Variants in KIF17 observed in about 807,000 individuals in gnomAD.
The protein encoded by KIF17 is kinesin-like protein KIF17.
A neutral mutation model predicts 96.8 loss-of-function variants in KIF17; 80 were observed. The ratio of observed to expected loss-of-function variants is 0.83; its 90% CI spans 0.69 to 1.00. The LOEUF is 1.00. Ranked by LOEUF, KIF17 falls within the 50% of genes least tolerant of loss-of-function variation. KIF17 has a pLI of 0.00. For missense variants in KIF17, 1,280 were observed against 1,372.9 expected, an observed-to-expected ratio of 0.93 and a Z score of 1.07; for synonymous variants, 567 against 587.5, an observed-to-expected ratio of 0.97 and a Z score of 0.51.
chr1:20,692,331 T>C (rs1422391712), intron 6 of KIF17, among the ~76,000 whole-genome samples: 1 of 147,438 alleles, frequency 6.8e-6, no homozygotes, highest in Admixed American at 6.8e-5. Flanking sequence ...CCCTGTCCCT[T>C]CCTCTATTGC....
At chr1:20,698,048 T>A (rs1174282728) in intron 6 of KIF17, among the ~76,000 whole-genome samples, 1 of 152,098 alleles carries the variant, frequency 6.6e-6, no homozygotes, top group Non-Finnish European at 1.5e-5. Flanking sequence ...CTTTTCTGCT[T>A]CCATCAATGC....
Position 20,672,251 on chromosome 1 carries a change from T to C in KIF17, c.2464-55A>G, listed in dbSNP as rs2053661400. The C allele has an allele frequency of 1.9e-6, 3 of 1,603,518 alleles. No homozygotes were observed. The highest frequency in any genetic ancestry group is 1.7e-5 in the Admixed American group (1 of 59,106). ...AGGGAAAGATACCTCCCCTTCCATC[T>C]AACCACCCTGTCCACTCACTGTCCT... On this transcript the variant is annotated intron_variant, in intron 11 of 14. Transcript: ENST00000400463. This position sits in a 1 kb window ranked among gnomAD's most constrained non-coding sequence, Gnocchi z 4.3.
At chr1:20,682,905 G>A in intron 10 of KIF17, 21 bp from the exon 11 acceptor site, 2 of 1,599,826 alleles carry the variant, frequency 1.3e-6, no homozygotes, top group Non-Finnish European at 1.7e-6. Flanking sequence ...GGAGGAGAAA[G>A]CAAACAAGAC....
At chr1:20,671,280 C>T (rs960182172) in intron 12 of KIF17, among the ~76,000 whole-genome samples, 2 of 152,174 alleles carry the variant, frequency 1.3e-5, no homozygotes, top group African/African-American at 4.8e-5. Flanking sequence ...CACTATGTGC[C>T]AGGCACTGCT....
In KIF17 at chr1:20,704,922, G is replaced by A. The variant is rs1427283582; in HGVS notation, c.671-23C>T. ...CATCTGCACACAGACCAGGCAAAGT[G>A]GCGAGGGCCTCGGGTGAGCCCTATG... is the stretch of plus-strand genomic sequence containing the variant. On this transcript the variant is annotated intron_variant, in intron 4 of 14. Transcript: ENST00000400463. This position sits in a 1 kb window ranked among gnomAD's most constrained non-coding sequence, Gnocchi z 6.8. 23 of 1,594,740 alleles carry A rather than the reference G, an allele frequency of 1.4e-5. No individual in the cohort carries two copies. The highest frequency in any genetic ancestry group is 1.8e-5 in the Non-Finnish European group (21 of 1,176,448).
chr1:20,687,485 TCCTGCAGGCCTAGTAACC>T lies in KIF17; in HGVS notation c.1823_1840del (p.Gly608_Gln613del). On this transcript the variant is annotated inframe_deletion, in exon 8 of 15. Transcript: ENST00000400463. This position sits in a 1 kb window ranked among gnomAD's most constrained non-coding sequence, Gnocchi z 4.4. ...CTTGGCTTCCACCTCGGCAAACGGG[TCCTGCAGGCCTAGTAACC>T]CCTGCAGGGGCACCTCCTGCGGCTC... The T allele has an allele frequency of 6.2e-7, 1 of 1,613,900 alleles. No homozygotes were observed. The highest frequency in any genetic ancestry group is 8.5e-7 in the Non-Finnish European group (1 of 1,179,944).
At chr1:20,697,697 G>A (rs971285139) in intron 6 of KIF17, among the ~76,000 whole-genome samples, 4 of 152,226 alleles carry the variant, frequency 2.6e-5, no homozygotes, top group Non-Finnish European at 4.4e-5. Flanking sequence ...GCATTTAGGC[G>A]GGAATCTCTG....
intron 8 of KIF17, 193 bp from the exon 9 acceptor site, chr1:20,686,319 CGG>C: frequency 1.6e-6 from 1 of 640,846 alleles, no homozygotes; most frequent in Non-Finnish European, 2.9e-6. Flanking sequence ...AGAGAGGAAA[CGG>C]AAGACAGGCG....
At chr1:20,712,879 T>TA (rs1349856576) in intron 3 of KIF17, among the ~76,000 whole-genome samples, 1,381 of 84,934 alleles carry the variant, frequency 0.016, 121 homozygotes, top group African/African-American at 0.076. Context: ...ATATTATCTA[T>TA]ATATAATATA....
chr1:20,679,665 G>C (rs983236708), intron 11 of KIF17, among the ~76,000 whole-genome samples: 1 of 152,084 alleles, frequency 6.6e-6, no homozygotes, highest in African/African-American at 2.4e-5. Context: ...GAATGCAGGC[G>C]GTGTCTAGAA....
chr1:20,665,008 T>G (rs2053500439), intron 14 of KIF17, among the ~76,000 whole-genome samples: 1 of 152,060 alleles, frequency 6.6e-6, no homozygotes, highest in Non-Finnish European at 1.5e-5. Context: ...AGCATCAGAC[T>G]GAGGCAGCCT....
chr1:20,683,357 A>G (rs555784690), intron 10 of KIF17, among the ~76,000 whole-genome samples: 3 of 152,334 alleles, frequency 2.0e-5, no homozygotes, highest in African/African-American at 7.2e-5. Flanking sequence ...TTTGTCCTTT[A>G]GAGGTACAAA....
chr1:20,697,046 A>G lies in KIF17; in HGVS notation c.1233+1333T>C, dbSNP rs115176154. ...CCAAACAGCACAGGCCCCGCCCGTC[A>G]CGTGCAGCGCCCGAGGCTCTTGGAT... On this transcript the variant is annotated intron_variant, in intron 6 of 14. Transcript: ENST00000400463. Among the ~76,000 whole-genome samples the G allele has an allele frequency of 8.4e-3, 1,286 of 152,276 alleles. 21 individuals carry two copies. Among genetic ancestry groups the G allele is most frequent in the African/African-American group, 0.028 (1,170 of 41,560 alleles).
chr1:20,687,446 G>T lies in KIF17; in HGVS notation c.1880C>A (p.Ser627Tyr), dbSNP rs141623204. The T allele has an allele frequency of 4.3e-6, 7 of 1,613,982 alleles. No individual in the cohort carries two copies. The African/African-American group carries it at 5.3e-5, about 12-fold the overall frequency. Residue 627 changes from serine to tyrosine, a missense_variant, in exon 8 of 15, where the codon TCC becomes TAC. Coordinates refer to ENST00000400463, the MANE Select transcript of KIF17 (RefSeq NM_001122819.3). The surrounding 1 kb of genome is among the most constrained non-coding windows in gnomAD (Gnocchi z 4.4). ...AEVEAKLARL[S>Y]STVARTDAPQ... is the part of the protein sequence containing the mutation. ...TGCATCTGTCCTGGCCACGGTGGAG[G>T]AGAGTCTGGCCAGCTTGGCTTCCAC...
chr1:20,673,179 A>G (rs2053677871), intron 11 of KIF17, among the ~76,000 whole-genome samples: 1 of 152,030 alleles, frequency 6.6e-6, no homozygotes, highest in African/African-American at 2.4e-5. Context: ...ACACCAGTGC[A>G]CTCCAGCCTG....
rs900039 is a variant in KIF17, at chr1:20,704,409, G to T, written c.1123+38C>A. 629,755 of 1,537,880 alleles carry T rather than the reference G, an allele frequency of 0.41. 135,545 individuals carry two copies. The highest frequency in any genetic ancestry group is 0.45 in the Non-Finnish European group (501,725 of 1,119,530). ...AGAGGGAAGGAAGCTTTCTCCTGGGGACCTGGCCCTCCCGCCACTACCCCA... is the reference window on the plus strand; with the variant it reads ...AGAGGGAAGGAAGCTTTCTCCTGGGTACCTGGCCCTCCCGCCACTACCCCA... On this transcript the variant is annotated intron_variant, in intron 5 of 14. Transcript: ENST00000400463. The surrounding 1 kb of genome is among the most constrained non-coding windows in gnomAD (Gnocchi z 6.8).
rs771236748 is a variant in KIF17 at position 20,685,104 on chromosome 1, G to A, written c.2020-84C>T. On this transcript the variant is annotated intron_variant, in intron 9 of 14. Transcript: ENST00000400463. This position sits in a 1 kb window ranked among gnomAD's most constrained non-coding sequence, Gnocchi z 4.1. The stretch of plus-strand genomic sequence containing the variant: ...GCTCCCAGGTGGCTCAATCCCAGAC[G>A]GGGCCATTCCGCCTGCTGCAGCCCC... The A allele has an allele frequency of 2.5e-5, 28 of 1,102,320 alleles. No homozygotes were observed. Among genetic ancestry groups the A allele is most frequent in the Admixed American group, 4.0e-5 (2 of 50,444 alleles). 68.3% of individuals were successfully genotyped at this position (1,102,320 alleles called of 1,614,324 possible).
chr1:20,712,440 T>C (rs1403001799), intron 3 of KIF17, among the ~76,000 whole-genome samples: 1 of 148,692 alleles, frequency 6.7e-6, no homozygotes, highest in African/African-American at 2.5e-5. Context: ...GGTGCATGCC[T>C]GTAGTCCCAG....
intron 13 of KIF17, among the ~76,000 whole-genome samples, chr1:20,668,416 T>G (rs1486681569): frequency 6.6e-6 from 1 of 152,248 alleles, no homozygotes; most frequent in Non-Finnish European, 1.5e-5. Context: ...AAATTCCTTA[T>G]TTTTCTTATG....
Sources: gnomAD v4.1 joint callset for allele counts (sites outside exome capture counted in the v4.1 genomes callset) on GRCh38, gnomAD v4.1.1 for gene constraint, Gnocchi (gnomAD v3.1) non-coding constraint, MANE v1.5 for transcripts, NCBI Gene and HGNC (gene_info 2026-07-23, HGNC 2026-07-21) for gene names.